TRPM3: variants seen among roughly 807,000 people sequenced by gnomAD.
TRPM3 encodes the protein transient receptor potential cation channel subfamily M member 3.
In TRPM3, 77 loss-of-function variants were observed where a neutral mutation model predicts 181.2. The observed-to-expected ratio is 0.42, with a 90% confidence interval of 0.35 to 0.51. The LOEUF (loss-of-function observed/expected upper bound fraction) is 0.51, where lower values mean the gene tolerates loss of function less well. Among genes scored for constraint, TRPM3 ranks in the 20% least tolerant of loss-of-function variants. TRPM3 has a pLI of 0.01. For synonymous variants in TRPM3, 745 were observed against 796.4 expected (o/e 0.94, Z 1.09); for missense variants, 1,759 against 2,196.7 (o/e 0.80, Z 3.98).
chr9:71,032,091 T>TTA (rs2057541644), intron 1 of TRPM3, among the ~76,000 whole-genome samples: 1 of 84,018 alleles, frequency 1.2e-5, no homozygotes, highest in African/African-American at 4.4e-5. Flanking sequence ...ATATATATAA[T>TTA]TATATAATAT....
intron 7 of TRPM3, among the ~76,000 whole-genome samples, chr9:70,773,620 T>C (rs956378824): frequency 3.7e-4 from 57 of 152,122 alleles, no homozygotes; most frequent in African/African-American, 1.3e-3. Flanking sequence ...AGATTTCTAG[T>C]TTTTCAAAAA....
At chr9:71,172,852 G>A (rs569313279) in intron 1 of TRPM3, among the ~76,000 whole-genome samples, 3 of 152,302 alleles carry the variant, frequency 2.0e-5, no homozygotes, top group South Asian at 4.1e-4. Context: ...ATGGTGTAAC[G>A]TATAGCAAGG....
chr9:71,267,857 C>T lies in TRPM3; in HGVS notation c.183+178796G>A, dbSNP rs78802951. On this transcript the variant is annotated intron_variant, in intron 1 of 24. Coordinates refer to the TRPM3 transcript ENST00000357533. ...CAATCATCACAATCATCACCTAAAACGAACCTCAGATCTTCCTGGCTACTG... is the reference window on the plus strand; with the variant it reads ...CAATCATCACAATCATCACCTAAAATGAACCTCAGATCTTCCTGGCTACTG... Among the ~76,000 whole-genome samples, 617 of 152,214 alleles carry T rather than the reference C, an allele frequency of 4.1e-3. 4 individuals carry two copies. Among genetic ancestry groups the T allele is most frequent in the African/African-American group, 0.014 (592 of 41,528 alleles).
chr9:70,555,041 C>T (rs964842350), intron 22 of TRPM3, among the ~76,000 whole-genome samples: 1 of 152,172 alleles, frequency 6.6e-6, no homozygotes, highest in Non-Finnish European at 1.5e-5. Context: ...GGCCCTGGGC[C>T]GTGTCTTGCC....
chr9:70,573,119 C>A (rs975494470), intron 22 of TRPM3, among the ~76,000 whole-genome samples: 1 of 151,864 alleles, frequency 6.6e-6, no homozygotes, highest in African/African-American at 2.4e-5. Flanking sequence ...TATAAGTGTT[C>A]AGACACAACA....
chr9:70,601,649 C>T (rs1257182176), intron 20 of TRPM3, among the ~76,000 whole-genome samples: 1 of 152,192 alleles, frequency 6.6e-6, no homozygotes, highest in African/African-American at 2.4e-5. Context: ...TCAGTTGACC[C>T]CTTCCTGACT....
chr9:70,798,800 G>A lies in TRPM3; in HGVS notation c.974-14521C>T, dbSNP rs183234188. Among the ~76,000 whole-genome samples, 302 of 152,318 alleles carry A rather than the reference G, an allele frequency of 2.0e-3. 3 individuals carry two copies. The highest frequency in any genetic ancestry group is 6.9e-3 in the African/African-American group (288 of 41,572). ...CTGTTGGAAGGTATCCTGCTGAAAT[G>A]GAGATGACAGCCATTTGGGTGGCTT... On this transcript the variant is annotated intron_variant, in intron 6 of 25. Coordinates refer to ENST00000677713, the MANE Select transcript of TRPM3 (RefSeq NM_001366145.2).
intron 1 of TRPM3, among the ~76,000 whole-genome samples, chr9:70,869,784 A>T (rs1285492950): frequency 9.9e-5 from 15 of 152,010 alleles, no homozygotes; most frequent in Non-Finnish European, 2.2e-4. Flanking sequence ...TGGCCTATGG[A>T]TGCAGATCAA....
chr9:71,331,910 A>AGAAGAGGAGAGGGAGGAG (rs2090209836), intron 1 of TRPM3, among the ~76,000 whole-genome samples: 1 of 9,542 alleles, frequency 1.0e-4, no homozygotes, highest in Non-Finnish European at 2.5e-4. Flanking sequence ...AAGAGGAGGA[A>AGAAGAGGAGAGGGAGGAG]GAAGAGGAGG....
At chr9:70,797,397 C>T (rs1023605580) in intron 6 of TRPM3, among the ~76,000 whole-genome samples, 13 of 152,162 alleles carry the variant, frequency 8.5e-5, no homozygotes, top group African/African-American at 2.9e-4. Context: ...CTGTCACTCA[C>T]AATTACAGTC....
chr9:70,555,077 A>G (rs545805080), intron 22 of TRPM3, among the ~76,000 whole-genome samples: 1 of 152,256 alleles, frequency 6.6e-6, no homozygotes, highest in East Asian at 1.9e-4. Context: ...CTCTGAGCAC[A>G]AACTGGACTG....
At chr9:70,947,517 G>A (rs1410726944) in intron 1 of TRPM3, among the ~76,000 whole-genome samples, 4 of 152,050 alleles carry the variant, frequency 2.6e-5, no homozygotes, top group Admixed American at 1.3e-4. Context: ...TTATCCTCTA[G>A]TAATGGAGAA....
At chr9:71,063,529 A>G (rs2133386002) in intron 1 of TRPM3, among the ~76,000 whole-genome samples, 1 of 152,240 alleles carries the variant, frequency 6.6e-6, no homozygotes, top group Admixed American at 6.5e-5. Flanking sequence ...TGCCCTGTGG[A>G]CTGTAAAAAT....
At chr9:71,016,990 T>C (rs2097790108) in intron 1 of TRPM3, among the ~76,000 whole-genome samples, 1 of 152,160 alleles carries the variant, frequency 6.6e-6, no homozygotes, top group Non-Finnish European at 1.5e-5. Flanking sequence ...TGTGCTTGTA[T>C]TTATACTACA....
chr9:71,242,830 A>G (rs1032628738), intron 1 of TRPM3, among the ~76,000 whole-genome samples: 7 of 152,038 alleles, frequency 4.6e-5, no homozygotes, highest in Non-Finnish European at 8.8e-5. Flanking sequence ...GAATTAGATT[A>G]TATCACGCCT....
intron 1 of TRPM3, among the ~76,000 whole-genome samples, chr9:70,973,608 C>A (rs1298626861): frequency 1.3e-5 from 2 of 152,134 alleles, no homozygotes; most frequent in Non-Finnish European, 2.9e-5. Flanking sequence ...CTCTTCCCAA[C>A]TCCATGTTGT....
chr9:70,873,841 A>C lies in TRPM3; in HGVS notation c.178-9330T>G, dbSNP rs181942066. Among the ~76,000 whole-genome samples the C allele has an allele frequency of 3.4e-3, 519 of 152,088 alleles. 5 individuals are homozygous for C. Among genetic ancestry groups the C allele is most frequent in the Middle Eastern group, 6.8e-3 (2 of 294 alleles). ...TACAGTATTCTAGGTCTACTATGGC[A>C]TAACCAGAGTGTTGTAATTTCACCT... On this transcript the variant is annotated intron_variant, in intron 1 of 25. Coordinates refer to ENST00000677713, the MANE Select transcript of TRPM3 (RefSeq NM_001366145.2).
intron 1 of TRPM3, among the ~76,000 whole-genome samples, chr9:71,061,931 A>G (rs1240485111): frequency 6.6e-6 from 1 of 151,920 alleles, no homozygotes; most frequent in Admixed American, 6.6e-5. Flanking sequence ...CCTGACATAG[A>G]TCCTGTGACC....
chr9:71,070,839 C>T (rs2062667147), intron 1 of TRPM3, among the ~76,000 whole-genome samples: 1 of 152,052 alleles, frequency 6.6e-6, no homozygotes, highest in South Asian at 2.1e-4. Context: ...GGGGCTGGAG[C>T]TTTTTTCAAC....
Sources: allele counts gnomAD v4.1 joint callset (sites outside exome capture counted in the v4.1 genomes callset), GRCh38; gene constraint gnomAD v4.1.1; transcripts MANE v1.5; gene names NCBI Gene and HGNC (gene_info 2026-07-23, HGNC 2026-07-21).